BCL2L11: variants seen among roughly 807,000 people sequenced by gnomAD.
BCL2L11 encodes the protein bcl-2-like protein 11.
Under a neutral mutation model 20.6 loss-of-function variants are expected in BCL2L11, and 15 were observed. The ratio of observed to expected loss-of-function variants is 0.73; its 90% confidence interval spans 0.49 to 1.12. The LOEUF (loss-of-function observed/expected upper bound fraction) is 1.12. Among genes scored for constraint, BCL2L11 ranks in the 50% most tolerant of loss-of-function variants. BCL2L11 has a pLI of 0.00. For missense variants in BCL2L11, 292 were observed against 260.9 expected, an observed-to-expected ratio of 1.12 and a Z score of -0.82; for synonymous variants, 108 against 92.8, an observed-to-expected ratio of 1.16 and a Z score of -0.94.
chr2:111,129,487 A>G (rs1170247843), intron 2 of BCL2L11, among the ~76,000 whole-genome samples: 1 of 152,264 alleles, frequency 6.6e-6, no homozygotes, highest in African/African-American at 2.4e-5. Context: ...TTTATAGGAA[A>G]TAATACAAAG....
At chr2:111,131,226 C>T (rs1018175488) in intron 2 of BCL2L11, 12 of 1,480 alleles carry the variant, frequency 8.1e-3, no homozygotes, top group Admixed American at 0.023. Context: ...GGGATGGGGG[C>T]GGGGGTGGGG....
rs1218996597 is a variant in BCL2L11 at position 111,166,310 on chromosome 2, T to TG, written c.*2080dup. ...GCCCTGGGCCAGGCACGGGAGGCCCTGCCCTGTGCTGCCCAGGGGCTGTGT... is the reference window on the plus strand; with the variant it reads ...GCCCTGGGCCAGGCACGGGAGGCCCTGGCCCTGTGCTGCCCAGGGGCTGTGT... On this transcript the variant is annotated 3_prime_UTR_variant, in exon 4 of 4. Transcript: ENST00000393256. The TG allele has an allele frequency of 1.3e-5, 2 of 152,728 alleles. No homozygotes were observed. Among genetic ancestry groups the TG allele is most frequent in the African/African-American group, 4.8e-5 (2 of 41,480 alleles). The allele number at this position is 152,728 out of a possible 1,614,324, so 9.5% of individuals were successfully genotyped here.
At chr2:111,152,855 G>A (rs1290647472) in intron 3 of BCL2L11, among the ~76,000 whole-genome samples, 1 of 152,164 alleles carries the variant, frequency 6.6e-6, no homozygotes, top group Non-Finnish European at 1.5e-5. Flanking sequence ...TTGTTCCCAT[G>A]CTTTTGGTAA....
intron 2 of BCL2L11, among the ~76,000 whole-genome samples, chr2:111,135,306 TAA>T (rs1347804024): frequency 6.6e-6 from 1 of 152,186 alleles, no homozygotes; most frequent in African/African-American, 2.4e-5. Context: ...TTCTACTAGG[TAA>T]GTTGGAAGTT....
At chr2:111,123,344 C>G in intron 1 of BCL2L11, 2 of 985,510 alleles carry the variant, frequency 2.0e-6, no homozygotes, top group Non-Finnish European at 2.4e-6. Flanking sequence ...TCTGCGCCCG[C>G]TCCTGTGCTC....
At chr2:111,161,273 G>A (rs1480750097) in intron 3 of BCL2L11, 2 of 1,021,764 alleles carry the variant, frequency 2.0e-6, no homozygotes, top group African/African-American at 3.2e-5. Flanking sequence ...ATACCCAGAA[G>A]TTTCAGGAGG....
intron 2 of BCL2L11, among the ~76,000 whole-genome samples, chr2:111,134,318 T>C (rs1371351989): frequency 6.6e-6 from 1 of 152,218 alleles, no homozygotes; most frequent in African/African-American, 2.4e-5. Context: ...AATATATTGC[T>C]CTGTATCATT....
intron 1 of BCL2L11, chr2:111,123,310 G>A (rs2071648989): frequency 1.0e-6 from 1 of 985,510 alleles, no homozygotes; most frequent in Non-Finnish European, 1.2e-6. Context: ...CAGGGAACGC[G>A]GCCAGCCGCC....
chr2:111,122,739 G>C, intron 1 of BCL2L11: 1 of 984,238 alleles, frequency 1.0e-6, no homozygotes, highest in Non-Finnish European at 1.2e-6. Context: ...GCGCGGCGGC[G>C]GGCTGGCGGG....
intron 1 of BCL2L11, chr2:111,123,496 T>G (rs1176170346): frequency 1.0e-6 from 1 of 985,474 alleles, no homozygotes; most frequent in Non-Finnish European, 1.2e-6. Context: ...GTGCACCAGT[T>G]CCGCAAGCTG....
intron 2 of BCL2L11, among the ~76,000 whole-genome samples, chr2:111,129,433 A>T (rs980134057): frequency 6.6e-6 from 1 of 152,216 alleles, no homozygotes; most frequent in Admixed American, 6.5e-5. Flanking sequence ...TTAAATTTAC[A>T]TCTTAAAAAA....
At chr2:111,143,155 T>C (rs2076075024) in intron 2 of BCL2L11, among the ~76,000 whole-genome samples, 1 of 152,186 alleles carries the variant, frequency 6.6e-6, no homozygotes, top group South Asian at 2.1e-4. Flanking sequence ...CCCCTGAAAG[T>C]AATCTAAAGC....
intron 2 of BCL2L11, among the ~76,000 whole-genome samples, chr2:111,143,543 T>C (rs1180073868): frequency 6.6e-6 from 1 of 152,198 alleles, no homozygotes. Context: ...TTCAATTCCC[T>C]ACGAGGAATA....
chr2:111,167,570 G>A lies in BCL2L11; in HGVS notation c.*3339G>A, dbSNP rs1213155208. The stretch of plus-strand genomic sequence containing the variant: ...AAAGAAATAAAATGTGCCACTTCCA[G>A]AGGTGCTGCATTGCAGTTGTTCAGG... On this transcript the variant is annotated 3_prime_UTR_variant, in exon 4 of 4. Coordinates refer to ENST00000393256, the MANE Select transcript of BCL2L11 (RefSeq NM_138621.5). The A allele has an allele frequency of 6.6e-6, 1 of 152,228 alleles. No individual in the cohort carries two copies. The highest frequency in any genetic ancestry group is 1.5e-5 in the Non-Finnish European group (1 of 68,040). The allele number at this position is 152,228 out of a possible 1,614,324, so 9.4% of individuals were successfully genotyped here. A position where few individuals can be genotyped will look rare whatever the true frequency, so the allele number is the denominator to read the frequency against.
chr2:111,157,260 T>A (rs887831455), intron 3 of BCL2L11, among the ~76,000 whole-genome samples: 17 of 152,184 alleles, frequency 1.1e-4, no homozygotes, highest in Non-Finnish European at 2.1e-4. Context: ...GGGTTTTTTT[T>A]AAATCTCTTG....
Position 111,164,389 on chromosome 2 carries a change from T to C in BCL2L11, c.*158T>C. 1.7e-6 allele frequency: 1 copy of C among 594,378 alleles called. No individual in the cohort carries two copies. The highest frequency in any genetic ancestry group is 3.1e-6 in the Non-Finnish European group (1 of 326,302). 36.8% of individuals were successfully genotyped at this position (594,378 alleles called of 1,614,324 possible). On this transcript the variant is annotated 3_prime_UTR_variant, in exon 4 of 4. Transcript: ENST00000393256. ...CAGAAGACACCGAGCTGGATGGGACTACCTTTCTGTTCATCACCACACAGC... is the reference window on the plus strand; with the variant it reads ...CAGAAGACACCGAGCTGGATGGGACCACCTTTCTGTTCATCACCACACAGC...
chr2:111,160,451 T>C (rs886443015), intron 3 of BCL2L11, among the ~76,000 whole-genome samples: 1 of 152,218 alleles, frequency 6.6e-6, no homozygotes, highest in African/African-American at 2.4e-5. Flanking sequence ...TGGAGCCCCT[T>C]ACCCTGAGAG....
At chr2:111,159,359 G>A (rs552718892) in intron 3 of BCL2L11, among the ~76,000 whole-genome samples, 2 of 152,310 alleles carry the variant, frequency 1.3e-5, no homozygotes, top group South Asian at 2.1e-4. Context: ...TGGCACTCAG[G>A]GTTGTTGTGG....
At chr2:111,159,836 G>A (rs1221741278) in intron 3 of BCL2L11, among the ~76,000 whole-genome samples, 1 of 152,210 alleles carries the variant, frequency 6.6e-6, no homozygotes, top group African/African-American at 2.4e-5. Context: ...ACCCAGATGA[G>A]CTTGTGCCAT....
Sources: gnomAD v4.1 joint callset for allele counts (sites outside exome capture counted in the v4.1 genomes callset) on GRCh38, gnomAD v4.1.1 for gene constraint, MANE v1.5 for transcripts, NCBI Gene and HGNC (gene_info 2026-07-23, HGNC 2026-07-21) for gene names.